Variants in HPSE2 observed in about 807,000 individuals in gnomAD.
HPSE2 encodes the protein heparanase 2 (inactive).
A neutral mutation model predicts 60.5 loss-of-function variants in HPSE2; 38 were observed. That is an observed-to-expected ratio of 0.63 (90% CI 0.48 to 0.82). The LOEUF is 0.82. Among genes scored for constraint, HPSE2 ranks in the 40% least tolerant of loss-of-function variants. HPSE2 has a pLI of 0.00. For missense variants in HPSE2, 713 were observed against 740.4 expected, an observed-to-expected ratio of 0.96 and a Z score of 0.43; for synonymous variants, 295 against 293.2, an observed-to-expected ratio of 1.01 and a Z score of -0.06.
intron 3 of HPSE2, chr10:99,013,258 C>T: frequency 1.6e-6 from 1 of 639,610 alleles, no homozygotes; most frequent in South Asian, 1.5e-5. Flanking sequence ...TTTTTAACAT[C>T]TTGTTTATTA....
In HPSE2 at chr10:98,850,694, G is replaced by T. The variant is rs192024060; in HGVS notation, c.611-106638C>A. The stretch of plus-strand genomic sequence containing the variant: ...GGAGCTTGCAGTGAGCGGAGATCGC[G>T]CCACTGCACTCCAGCCTGGGTGACA... On this transcript the variant is annotated intron_variant, in intron 3 of 11. Coordinates refer to ENST00000370552, the MANE Select transcript of HPSE2 (RefSeq NM_021828.5). 2.7e-4 allele frequency among the ~76,000 whole-genome samples: 37 copies of T among 137,302 alleles called. No individual in the cohort carries two copies. The East Asian group carries it at 7.7e-3, about 29-fold the overall frequency. The allele number at this position is 137,302 out of a possible 152,430, so 90.1% of individuals were successfully genotyped here.
chr10:98,800,769 G>A (rs146511345), intron 3 of HPSE2, among the ~76,000 whole-genome samples: 172 of 152,236 alleles, frequency 1.1e-3, no homozygotes, highest in Middle Eastern at 6.8e-3. Flanking sequence ...GGACCTGATA[G>A]CTTCACAGCT....
At chr10:98,988,223 C>A (rs1370341478) in intron 3 of HPSE2, among the ~76,000 whole-genome samples, 2 of 152,246 alleles carry the variant, frequency 1.3e-5, no homozygotes, top group Non-Finnish European at 1.5e-5. Flanking sequence ...CTGGAGGCAT[C>A]ATGCTACCTG....
At chr10:98,537,836 G>A (rs188665390) in intron 9 of HPSE2, among the ~76,000 whole-genome samples, 187 of 152,342 alleles carry the variant, frequency 1.2e-3, no homozygotes, top group Non-Finnish European at 2.3e-3. Context: ...CCCTCCCTGC[G>A]GTGCTGTGCT....
chr10:99,157,281 C>T (rs1264869385), intron 2 of HPSE2, among the ~76,000 whole-genome samples: 1 of 55,850 alleles, frequency 1.8e-5, no homozygotes, highest in Non-Finnish European at 4.1e-5. Context: ...CAAAAAAGAG[C>T]CCGCATCGCC....
intron 3 of HPSE2, among the ~76,000 whole-genome samples, chr10:99,029,045 G>A (rs1957440018): frequency 6.6e-6 from 1 of 152,104 alleles, no homozygotes. Flanking sequence ...AAAAGATAGG[G>A]GAAAATCTCT....
chr10:99,168,841 A>T (rs1418297789), intron 2 of HPSE2, among the ~76,000 whole-genome samples: 1 of 152,184 alleles, frequency 6.6e-6, no homozygotes, highest in Non-Finnish European at 1.5e-5. Flanking sequence ...CATTAAACAT[A>T]AAAAATGATT....
the HPSE2 span, among the ~76,000 whole-genome samples, chr10:99,254,735 T>G: frequency 6.6e-6 from 1 of 152,204 alleles, no homozygotes; most frequent in Non-Finnish European, 1.5e-5. Context: ...ATCTGACAAT[T>G]ATAAGAAATG....
chr10:98,934,340 C>G (rs1201614142), intron 3 of HPSE2, among the ~76,000 whole-genome samples: 1 of 144,224 alleles, frequency 6.9e-6, no homozygotes, highest in African/African-American at 2.8e-5. Context: ...GTTAATTTTG[C>G]AGACTTGTTA....
intron 3 of HPSE2, among the ~76,000 whole-genome samples, chr10:99,116,391 T>C (rs1181731837): frequency 6.6e-6 from 1 of 152,202 alleles, no homozygotes; most frequent in African/African-American, 2.4e-5. Flanking sequence ...TCTATCTTAT[T>C]ATTCAAATAC....
At chr10:98,829,871 T>G (rs1017986552) in intron 3 of HPSE2, among the ~76,000 whole-genome samples, 1 of 152,204 alleles carries the variant, frequency 6.6e-6, no homozygotes, top group African/African-American at 2.4e-5. Context: ...TTTTAAAATT[T>G]TATTTCTTCT....
intron 3 of HPSE2, among the ~76,000 whole-genome samples, chr10:98,893,484 T>A (rs1487033928): frequency 1.3e-5 from 2 of 152,206 alleles, no homozygotes; most frequent in East Asian, 3.8e-4. Flanking sequence ...TGTGTTAACA[T>A]CTGCATTTAT....
At chr10:99,194,643 G>T (rs190503520) in intron 2 of HPSE2, among the ~76,000 whole-genome samples, 31 of 151,610 alleles carry the variant, frequency 2.0e-4, no homozygotes, top group African/African-American at 6.3e-4. Flanking sequence ...CAATAAACTG[G>T]AAAACCTAAA....
intron 3 of HPSE2, among the ~76,000 whole-genome samples, chr10:98,755,757 G>A (rs1454078448): frequency 2.6e-5 from 4 of 152,180 alleles, no homozygotes; most frequent in Admixed American, 6.5e-5. Context: ...CAGCACTTTG[G>A]GAGTTTCAGG....
At chr10:98,910,428 AG>A (rs1368097061) in intron 3 of HPSE2, among the ~76,000 whole-genome samples, 1 of 152,220 alleles carries the variant, frequency 6.6e-6, no homozygotes, top group Non-Finnish European at 1.5e-5. Context: ...GGGAACTTAA[AG>A]GGCTGCCAGC....
intron 3 of HPSE2, among the ~76,000 whole-genome samples, chr10:98,858,360 T>G (rs1311727290): frequency 6.6e-6 from 1 of 152,206 alleles, no homozygotes; most frequent in Non-Finnish European, 1.5e-5. Flanking sequence ...GAAGCATGAT[T>G]ATTAAGCTTT....
At chr10:98,726,622 A>T (rs1446658301) in intron 4 of HPSE2, among the ~76,000 whole-genome samples, 2 of 127,954 alleles carry the variant, frequency 1.6e-5, no homozygotes, top group Non-Finnish European at 3.3e-5. Context: ...GTATTCTAAA[A>T]CTTAAAGTAT....
intron 3 of HPSE2, among the ~76,000 whole-genome samples, chr10:99,078,723 T>A (rs924796485): frequency 1.3e-5 from 2 of 152,220 alleles, no homozygotes; most frequent in African/African-American, 2.4e-5. Flanking sequence ...TTCCTTTGTG[T>A]GGGACATATA....
chr10:98,982,390 T>A (rs1472071295), intron 3 of HPSE2, among the ~76,000 whole-genome samples: 1 of 152,194 alleles, frequency 6.6e-6, no homozygotes, highest in Non-Finnish European at 1.5e-5. Context: ...GAAAGCTTTA[T>A]AAAGAAAGTT....
Sources: gnomAD v4.1 joint callset for allele counts (sites outside exome capture counted in the v4.1 genomes callset) on GRCh38, gnomAD v4.1.1 for gene constraint, MANE v1.5 for transcripts, NCBI Gene and HGNC (gene_info 2026-07-23, HGNC 2026-07-21) for gene names.